Variants in KRT75 observed in about 807,000 individuals in gnomAD.
The protein encoded by KRT75 is keratin, type II cytoskeletal 75.
KRT75 carries 35 observed loss-of-function variants against 48.8 expected under a neutral mutation model. That is an observed-to-expected ratio of 0.72 (90% CI 0.55 to 0.95). The LOEUF is 0.95. Among genes scored for constraint, KRT75 ranks in the 40% least tolerant of loss-of-function variants. The pLI is 0.00. For synonymous variants in KRT75, 301 were observed against 282.3 expected (o/e 1.07, Z -0.66); for missense variants, 776 against 709.9 (o/e 1.09, Z -1.06).
chr12:52,429,251 A>G (rs140030464), intron 5 of KRT75, among the ~76,000 whole-genome samples: 9 of 152,268 alleles, frequency 5.9e-5, no homozygotes, highest in Non-Finnish European at 1.3e-4. Flanking sequence ...ATCCAGACCA[A>G]CTGTGCCCAT....
chr12:52,426,251 T>C (rs1026668618), intron 8 of KRT75, among the ~76,000 whole-genome samples: 11 of 152,242 alleles, frequency 7.2e-5, no homozygotes, highest in African/African-American at 2.7e-4. Context: ...TTAGAGCTAC[T>C]GTAGCCAACT....
In KRT75 at chr12:52,430,658, C is replaced by G. The variant is rs140485534; in HGVS notation, c.918G>C (p.Leu306=). Reference sequence around the variant, plus strand: ...CCAGGTTGCGGTTGTTGTCCATGGACAGCACCACGGATGTGTCACCGACCT... The same window carrying G: ...CCAGGTTGCGGTTGTTGTCCATGGAGAGCACCACGGATGTGTCACCGACCT... ...QTQVGDTSVV[L]SMDNNRNLDL... is the part of the protein sequence containing the mutation. The change falls in exon 5 of 9, where the codon CTG becomes CTC. Residue 306 remains leucine, a synonymous_variant. Transcript: ENST00000252245. The G allele has an allele frequency of 3.3e-5, 54 of 1,614,054 alleles. No individual in the cohort carries two copies. The highest frequency in any genetic ancestry group is 4.3e-5 in the Non-Finnish European group (51 of 1,180,038).
chr12:52,433,201 G>A lies in KRT75; in HGVS notation c.550C>T (p.Leu184=), dbSNP rs1208587908. The A allele has an allele frequency of 1.2e-6, 2 of 1,614,160 alleles. No homozygotes were observed. The highest frequency in any genetic ancestry group is 1.7e-6 in the Non-Finnish European group (2 of 1,180,038). Residue 184 remains leucine (L), a synonymous_variant, in exon 2 of 9, where the codon CTG becomes TTG. Coordinates refer to ENST00000252245, the MANE Select transcript of KRT75 (RefSeq NM_004693.3). The stretch of plus-strand genomic sequence containing the variant: ...ACAGTCCTGGAGCCCTGCTCCTGCA[G>A]GAGGGCCCACTTGGTCTCCAGGACC... ...NKVLETKWAL[L]QEQGSRTVRQ...
chr12:52,428,698 G>T lies in KRT75; in HGVS notation c.1081C>A (p.Arg361=). The T allele has an allele frequency of 6.2e-7, 1 of 1,614,078 alleles. No homozygotes were observed. Among genetic ancestry groups the T allele is most frequent in the African/African-American group, 1.3e-5 (1 of 74,998 alleles). ...VTAGRHGDDL[R]NTKQEISEMN... ...TCAGAGATCTCTTGTTTGGTGTTTC[G>T]AAGGTCATCCCCATGTCTGCCTGCG... Residue 361 remains arginine (R), a synonymous_variant, in exon 6 of 9, where the codon CGA becomes AGA. Coordinates refer to ENST00000252245, the MANE Select transcript of KRT75 (RefSeq NM_004693.3).
chr12:52,432,398 G>A (rs1282075102), intron 2 of KRT75, among the ~76,000 whole-genome samples: 3 of 152,180 alleles, frequency 2.0e-5, no homozygotes, highest in Admixed American at 2.0e-4. Context: ...AAATCGTGGA[G>A]TAAACTTTAT....
chr12:52,428,503 T>C (rs1940102926), intron 6 of KRT75, 27 bp from the exon 7 acceptor site: 1 of 1,612,282 alleles, frequency 6.2e-7, no homozygotes, highest in African/African-American at 1.3e-5. Flanking sequence ...AAGCCATGAG[T>C]CCTGCTGACA....
rs1314460370 is a variant in KRT75, at chr12:52,434,266, G to A, written c.39C>T (p.Ser13=). Residue 13 remains serine (S), a synonymous_variant, in exon 1 of 9, where the codon AGC becomes AGT. Transcript: ENST00000252245. ...RQSSITFQSG[S]RRGFSTTSAI... ...CCGAGGTGGTGCTGAAGCCCCTGCG[G>A]CTGCCAGACTGGAAGGTGATGGAGG... is the stretch of plus-strand genomic sequence containing the variant. The A allele has an allele frequency of 6.3e-7, 1 of 1,587,680 alleles. No individual in the cohort carries two copies. The highest frequency in any genetic ancestry group is 8.5e-7 in the Non-Finnish European group (1 of 1,171,116).
chr12:52,426,732 A>G, intron 8 of KRT75, 85 bp downstream of exon 8: 1 of 1,346,966 alleles, frequency 7.4e-7, no homozygotes, highest in East Asian at 2.3e-5. Flanking sequence ...AACCCGTCAT[A>G]TCTTCACCCT....
Position 52,434,204 on chromosome 12 carries a change from G to C in KRT75, c.101C>G (p.Ser34Cys). Residue 34 changes from serine (S) to cysteine (C), a missense_variant, in exon 1 of 9, where the codon TCT becomes TGT. Transcript: ENST00000252245. ...TGCTGCAGAGCGGGCCACAGAGACA[G>C]AGCTGAAGCGGGAGCGGCCAGCTGC... ...TPAAGRSRFS[S>C]VSVARSAAGS... The C allele has an allele frequency of 1.2e-6, 2 of 1,603,606 alleles. No homozygotes were observed. The highest frequency in any genetic ancestry group is 1.7e-6 in the Non-Finnish European group (2 of 1,173,544).
chr12:52,433,081 C>T lies in KRT75; in HGVS notation c.670G>A (p.Glu224Lys), dbSNP rs930931642. 1.9e-6 allele frequency: 3 copies of T among 1,614,030 alleles called. No individual in the cohort carries two copies. The African/African-American group carries it at 4.0e-5, about 22-fold the overall frequency. Residue 224 changes from glutamate (E) to lysine (K), a missense_variant, in exon 2 of 9, where the codon GAA (glutamate) becomes AAA (lysine). Transcript: ENST00000252245. ...ACAACATCCTGCATGTTCCTCAGTT[C>T]AGCTTCAAGCCTGCCCCTCTCGGTG... Reference protein sequence around the residue: ...ITTERGRLEAELRNMQDVVED... With the variant: ...ITTERGRLEAKLRNMQDVVED...
intron 7 of KRT75, among the ~76,000 whole-genome samples, chr12:52,427,419 A>G (rs1002758820): frequency 2.6e-5 from 4 of 152,242 alleles, no homozygotes; most frequent in Non-Finnish European, 5.9e-5. Context: ...ATTACCTGTT[A>G]CTTATATCAC....
Position 52,424,626 on chromosome 12 carries a change from A to G in KRT75, c.1547T>C (p.Leu516Pro). Residue 516 changes from leucine (L) to proline (P), a missense_variant, in exon 9 of 9, where the codon CTG becomes CCG. Leu to Pro is a moderately conservative substitution (Grantham distance 98). Transcript: ENST00000252245. ...GGTGGCACTGAATCCAGAACCTCCC[A>G]GGCCTGCACCCAGGCTATGCCCACC... is the stretch of plus-strand genomic sequence containing the variant. ...TSGGHSLGAG[L>P]GGSGFSATSN... The G allele has an allele frequency of 6.2e-7, 1 of 1,614,164 alleles. No individual in the cohort carries two copies. The highest frequency in any genetic ancestry group is 2.2e-5 in the East Asian group (1 of 44,880).
At chr12:52,433,718 A>G in intron 1 of KRT75, 89 bp downstream of exon 1, 1 of 1,587,826 alleles carries the variant, frequency 6.3e-7, no homozygotes, top group Middle Eastern at 2.0e-4. Flanking sequence ...CAGTGGGGTC[A>G]TTGCATTATT....
At chr12:52,431,758 G>T (rs927145177) in intron 3 of KRT75, 120 bp from the exon 4 acceptor site, 1 of 849,352 alleles carries the variant, frequency 1.2e-6, no homozygotes, top group Non-Finnish European at 1.9e-6. Flanking sequence ...TCTGGGTCTG[G>T]GTGATTTGGG....
At chr12:52,428,229 A>G (rs1389027659) in intron 7 of KRT75, 27 bp downstream of exon 7, 1 of 1,612,706 alleles carries the variant, frequency 6.2e-7, no homozygotes, top group East Asian at 2.2e-5. Context: ...ACTTGCTTTG[A>G]GGATGAAGTT....
intron 7 of KRT75, 42 bp downstream of exon 7, chr12:52,428,214 G>A (rs540172780): frequency 5.0e-6 from 8 of 1,610,072 alleles, no homozygotes; most frequent in Middle Eastern, 2.0e-4. Flanking sequence ...GCTGAGGTGA[G>A]CTCAACTTGC....
At position 52,428,359 on chromosome 12, in the gene KRT75, T is replaced by C. The variant is rs1940099815; in HGVS notation, c.1279A>G (p.Met427Val). ...TGGTACTCACGCAGGAGCCGAGCCA[T>C]GTCCTGCTTGGCCTTCTGCAGGGCC... ...EEALQKAKQD[M>V]ARLLREYQEL... The change falls in exon 7 of 9, where the codon ATG becomes GTG. Residue 427 changes from methionine (M) to valine (V), a missense_variant. Coordinates refer to ENST00000252245, the MANE Select transcript of KRT75 (RefSeq NM_004693.3). The C allele has an allele frequency of 2.5e-6, 4 of 1,614,178 alleles. No homozygotes were observed. Among genetic ancestry groups the C allele is most frequent in the Non-Finnish European group, 2.5e-6 (3 of 1,180,032 alleles).
In KRT75 at chr12:52,426,880, G is replaced by C. The variant is rs201405040; in HGVS notation, c.1383-29C>G. The C allele has an allele frequency of 1.1e-4, 179 of 1,612,126 alleles. No individual in the cohort carries two copies. The African/African-American group carries it at 2.3e-3, about 20-fold the overall frequency. On this transcript the variant is annotated intron_variant, in intron 7 of 8. Transcript: ENST00000252245. Reference sequence around the variant, plus strand: ...ATTGGGAAGAGCAGGGAGAAGGAAGGTTACCAATGTGGCCAGCAGCTTAAG... The same window carrying C: ...ATTGGGAAGAGCAGGGAGAAGGAAGCTTACCAATGTGGCCAGCAGCTTAAG...
chr12:52,432,958 G>C, intron 2 of KRT75, 80 bp downstream of exon 2: 1 of 1,405,724 alleles, frequency 7.1e-7, no homozygotes, highest in Admixed American at 1.7e-5. Flanking sequence ...ATCGGCATTT[G>C]CTCCTTTGCA....
Sources: allele counts gnomAD v4.1 joint callset (sites outside exome capture counted in the v4.1 genomes callset), GRCh38; gene constraint gnomAD v4.1.1; transcripts MANE v1.5; gene names NCBI Gene and HGNC (gene_info 2026-07-23, HGNC 2026-07-21).